SRSF9: variants seen among roughly 807,000 people sequenced by gnomAD.
SRSF9 encodes the protein serine and arginine rich splicing factor 9.
Under a neutral mutation model 25.9 loss-of-function variants are expected in SRSF9, and 3 were observed. The ratio of observed to expected loss-of-function variants is 0.12; its 90% CI spans 0.05 to 0.30. The LOEUF (loss-of-function observed/expected upper bound fraction) is 0.30. SRSF9 is among the 10% of genes least tolerant of loss of function. The pLI, the probability that SRSF9 is intolerant of heterozygous loss-of-function variation, is 1.00. For missense variants in SRSF9, 161 were observed against 303.5 expected (o/e 0.53, Z 3.49); for synonymous variants, 114 against 113.2 (o/e 1.01, Z -0.05).
In SRSF9 at chr12:120,469,679, G is replaced by A. The variant is rs967973017; in HGVS notation, c.-70C>T. The A allele has an allele frequency of 1.9e-6, 2 of 1,031,306 alleles. No homozygotes were observed. Among genetic ancestry groups the A allele is most frequent in the South Asian group, 4.6e-5 (1 of 21,566 alleles). 63.9% of individuals were successfully genotyped at this position (1,031,306 alleles called of 1,614,324 possible). A position where few individuals can be genotyped will look rare whatever the true frequency, so the allele number is the denominator to read the frequency against. On this transcript the variant is annotated 5_prime_UTR_variant, in exon 1 of 4. Transcript: ENST00000229390. ...CCGCCGCCTCAGCACGGGTCCCCCCGCAGCGTCCCCGCGGGCTCCGAGGCG... is the reference window on the plus strand; with the variant it reads ...CCGCCGCCTCAGCACGGGTCCCCCCACAGCGTCCCCGCGGGCTCCGAGGCG...
At chr12:120,468,150 C>T (rs895302364) in intron 1 of SRSF9, among the ~76,000 whole-genome samples, 3 of 142,076 alleles carry the variant, frequency 2.1e-5, no homozygotes, top group African/African-American at 2.6e-5. Context: ...ATACTAAATA[C>T]AGGCTGGGCG....
At chr12:120,466,364 A>G (rs150679258) in intron 1 of SRSF9, among the ~76,000 whole-genome samples, 223 of 152,268 alleles carry the variant, frequency 1.5e-3, no homozygotes, top group African/African-American at 4.9e-3. Context: ...GGAAAAAAAA[A>G]GTAGCCAGTT....
intron 1 of SRSF9, 107 bp from the exon 2 acceptor site, chr12:120,465,894 C>A: frequency 1.8e-6 from 2 of 1,112,696 alleles, no homozygotes; most frequent in South Asian, 1.7e-5. Context: ...AAAGGGAAAC[C>A]TAGAGTGAAG....
At chr12:120,465,528 T>A in intron 2 of SRSF9, 99 bp downstream of exon 2, 1 of 1,320,418 alleles carries the variant, frequency 7.6e-7, no homozygotes, top group Non-Finnish European at 1.0e-6. Context: ...AGCCCCCGTG[T>A]CCCATGCACT....
intron 2 of SRSF9, chr12:120,464,992 C>T (rs1466029317): frequency 6.6e-6 from 1 of 152,150 alleles, no homozygotes; most frequent in East Asian, 1.9e-4. Flanking sequence ...GTGACATTCA[C>T]ATCTTAAAAA....
intron 1 of SRSF9, among the ~76,000 whole-genome samples, chr12:120,468,635 G>A (rs1565918007): frequency 6.6e-6 from 1 of 152,232 alleles, no homozygotes; most frequent in African/African-American, 2.4e-5. Context: ...TATTTGGCCG[G>A]AGTGGAGTGA....
chr12:120,467,746 A>G (rs1878512665), intron 1 of SRSF9, among the ~76,000 whole-genome samples: 1 of 151,590 alleles, frequency 6.6e-6, no homozygotes, highest in African/African-American at 2.4e-5. Flanking sequence ...GAAGATGACA[A>G]TGTAGCGTAT....
At chr12:120,467,197 C>CG (rs1878499959) in intron 1 of SRSF9, among the ~76,000 whole-genome samples, 1 of 67,336 alleles carries the variant, frequency 1.5e-5, no homozygotes, top group African/African-American at 1.5e-4. Context: ...GAGGTCAGAA[C>CG]AACTCTGAAT....
intron 1 of SRSF9, 30 bp downstream of exon 1, chr12:120,469,392 G>C: frequency 6.5e-6 from 10 of 1,543,018 alleles, no homozygotes; most frequent in Non-Finnish European, 8.7e-6. Context: ...AGGCACCGAG[G>C]AGGAGAGGGC....
At chr12:120,462,288 G>C (rs1325746344) in intron 3 of SRSF9, 126 bp from the exon 4 acceptor site, 1 of 994,096 alleles carries the variant, frequency 1.0e-6, no homozygotes, top group Non-Finnish European at 1.4e-6. Flanking sequence ...TGCCTGGCAT[G>C]AGGCTATCTC....
At chr12:120,464,823 C>G (rs1001240612) in intron 2 of SRSF9, 6 of 152,080 alleles carry the variant, frequency 3.9e-5, no homozygotes, top group African/African-American at 1.2e-4. Context: ...TAATAGTTTT[C>G]TAAGCAGGAT....
In SRSF9 at chr12:120,464,553, T is replaced by A. The variant is rs79192263; in HGVS notation, c.350-431A>T. On this transcript the variant is annotated intron_variant, in intron 2 of 3. Coordinates refer to ENST00000229390, the MANE Select transcript of SRSF9 (RefSeq NM_003769.3). ...GGGAATTTTGAAACCAGACATGAAA[T>A]AACCAAAGAGTAGCTGAAGGTAACA... The A allele has an allele frequency of 9.7e-3, 1,498 of 155,148 alleles. 25 individuals are homozygous for A. Among genetic ancestry groups the A allele is most frequent in the African/African-American group, 0.034 (1,425 of 41,618 alleles). 9.6% of individuals were successfully genotyped at this position (155,148 alleles called of 1,614,324 possible). A position where few individuals can be genotyped will look rare whatever the true frequency, so the allele number is the denominator to read the frequency against.
Position 120,464,039 on chromosome 12 carries a change from C to T in SRSF9, c.433G>A (p.Asp145Asn), listed in dbSNP as rs775678993. 29 of 1,614,092 alleles carry T rather than the reference C, an allele frequency of 1.8e-5. No individual in the cohort carries two copies. The highest frequency in any genetic ancestry group is 1.2e-4 in the South Asian group (11 of 91,084). The change falls in exon 3 of 4, where the codon GAT becomes AAT. Residue 145 changes from aspartate (D) to asparagine (N), a missense_variant. Asp to Asn is a conservative substitution (Grantham distance 23, BLOSUM62 1). Coordinates refer to ENST00000229390, the MANE Select transcript of SRSF9 (RefSeq NM_003769.3). Reference sequence around the variant, plus strand: ...AGATACTCGACCATCCCCACTCCATCCTTCTGCACATCAGCATAACAGACA... The same window carrying T: ...AGATACTCGACCATCCCCACTCCATTCTTCTGCACATCAGCATAACAGACA... Reference protein sequence around the residue: ...GDVCYADVQKDGVGMVEYLRK... With the variant: ...GDVCYADVQKNGVGMVEYLRK...
chr12:120,465,075 G>A (rs1205106103), intron 2 of SRSF9: 1 of 152,078 alleles, frequency 6.6e-6, no homozygotes, highest in Non-Finnish European at 1.5e-5. Flanking sequence ...GAAGGCCCCA[G>A]GTCTTTCCAG....
chr12:120,462,671 T>C (rs1592990394), intron 3 of SRSF9: 1 of 152,464 alleles, frequency 6.6e-6, no homozygotes, highest in South Asian at 2.1e-4. Context: ...GTGATGGTGC[T>C]ATTATGTGAC....
At chr12:120,466,880 T>A (rs1192168879) in intron 1 of SRSF9, among the ~76,000 whole-genome samples, 2 of 152,176 alleles carry the variant, frequency 1.3e-5, no homozygotes, top group Non-Finnish European at 2.9e-5. Flanking sequence ...GAGAACTATT[T>A]TTGTCAAAAA....
chr12:120,469,290 G>A, intron 1 of SRSF9, 132 bp downstream of exon 1: 1 of 559,400 alleles, frequency 1.8e-6, no homozygotes, highest in Non-Finnish European at 3.0e-6. Context: ...CCGTGAGGGG[G>A]CGCCGTGAGG....
At position 120,465,683 on chromosome 12, in the gene SRSF9, C is replaced by T. The variant is rs372846202; in HGVS notation, c.293G>A (p.Arg98His). 11 of 1,603,028 alleles carry T rather than the reference C, an allele frequency of 6.9e-6. No individual in the cohort carries two copies. Among genetic ancestry groups the T allele is most frequent in the African/African-American group, 5.4e-5 (4 of 74,132 alleles). ...RTYGGRGGWP[R>H]GGRNGPPTRR... ...TGTAGGAGGCCCATTCCTCCCACCA[C>T]GGGGCCACCCACCCCGACCTCCATA... is the stretch of plus-strand genomic sequence containing the variant. Residue 98 changes from arginine (R) to histidine (H), a missense_variant, in exon 2 of 4, where the codon CGT (arginine) becomes CAT (histidine). By Grantham distance (29) the Arg-to-His change is conservative. This residue lies in a region of SRSF9 where 99 missense variants were observed against 156.7 expected (regional missense o/e 0.63). Coordinates refer to ENST00000229390, the MANE Select transcript of SRSF9 (RefSeq NM_003769.3).
chr12:120,468,748 C>G (rs1410222983), intron 1 of SRSF9, among the ~76,000 whole-genome samples: 2 of 152,224 alleles, frequency 1.3e-5, no homozygotes, highest in Non-Finnish European at 2.9e-5. Context: ...ATCACAAGCA[C>G]TCCTTAGAGC....
Sources: allele counts gnomAD v4.1 joint callset (sites outside exome capture counted in the v4.1 genomes callset), GRCh38; gene constraint gnomAD v4.1.1; regional missense constraint gnomAD v4.1.1; transcripts MANE v1.5; gene names NCBI Gene and HGNC (gene_info 2026-07-23, HGNC 2026-07-21).